Variants in NALF1 observed in about 807,000 individuals in gnomAD.
NALF1 encodes family with sequence similarity 155 member A.
A neutral mutation model predicts 48.4 loss-of-function variants in NALF1; 3 were observed. The observed-to-expected ratio is 0.06, with a 90% confidence interval of 0.03 to 0.16. The LOEUF (loss-of-function observed/expected upper bound fraction) is 0.16, where lower values mean the gene tolerates loss of function less well. Among genes scored for constraint, NALF1 ranks in the 10% least tolerant of loss-of-function variants. The pLI is 1.00. For synonymous variants in NALF1, 262 were observed against 245.7 expected, an observed-to-expected ratio of 1.07 and a Z score of -0.62; for missense variants, 526 against 571.5, an observed-to-expected ratio of 0.92 and a Z score of 0.81.
At chr13:107,342,780 A>G (rs1442744025) in intron 1 of NALF1, among the ~76,000 whole-genome samples, 1 of 152,214 alleles carries the variant, frequency 6.6e-6, no homozygotes, top group Non-Finnish European at 1.5e-5. Context: ...AAGGAATCAG[A>G]GCATGTCCAT....
chr13:107,793,140 T>C (rs1878303915), intron 1 of NALF1, among the ~76,000 whole-genome samples: 1 of 152,206 alleles, frequency 6.6e-6, no homozygotes, highest in Non-Finnish European at 1.5e-5. Flanking sequence ...TAAGAGACAG[T>C]TGAAGGAATA....
intron 1 of NALF1, among the ~76,000 whole-genome samples, chr13:107,835,232 G>T (rs951396053): frequency 2.6e-5 from 4 of 152,140 alleles, no homozygotes; most frequent in African/African-American, 9.7e-5. Context: ...ACATAAACTG[G>T]AACAACAGAT....
rs180951966 is a variant in NALF1, at chr13:107,337,842, T to C, written c.916-127087A>G. Reference sequence around the variant, plus strand: ...TTGCTTAACGTCTCTAAGCCTCTATTGTCTTATCTGTGCAATGCAATAATA... The same window carrying C: ...TTGCTTAACGTCTCTAAGCCTCTATCGTCTTATCTGTGCAATGCAATAATA... On this transcript the variant is annotated intron_variant, in intron 1 of 2. Coordinates refer to ENST00000375915, the MANE Select transcript of NALF1 (RefSeq NM_001080396.3). Among the ~76,000 whole-genome samples the C allele has an allele frequency of 4.7e-4, 72 of 152,298 alleles. No individual in the cohort carries two copies. In the East Asian group the frequency reaches 0.013, roughly 27 times the overall value.
intron 2 of NALF1, among the ~76,000 whole-genome samples, chr13:107,195,991 T>C (rs1879382585): frequency 2.0e-5 from 3 of 152,124 alleles, no homozygotes; most frequent in Admixed American, 2.0e-4. Context: ...CAAGATTATG[T>C]CCTTTGCAGA....
Position 107,669,529 on chromosome 13 carries a change from A to G in NALF1, c.915+196153T>C, listed in dbSNP as rs1276985039. Among the ~76,000 whole-genome samples, 3 of 152,176 alleles carry G rather than the reference A, an allele frequency of 2.0e-5. No individual in the cohort carries two copies. In the East Asian group the frequency reaches 5.8e-4, roughly 29 times the overall value. On this transcript the variant is annotated intron_variant, in intron 1 of 2. Coordinates refer to ENST00000375915, the MANE Select transcript of NALF1 (RefSeq NM_001080396.3). ...CTGCTAAAAATATTGGATTCTCTGA[A>G]GAAGCACGGAGCCACTGGGAGAACA... is the stretch of plus-strand genomic sequence containing the variant.
chr13:107,330,051 T>C (rs1237862358), intron 1 of NALF1, among the ~76,000 whole-genome samples: 2 of 152,140 alleles, frequency 1.3e-5, no homozygotes, highest in African/African-American at 2.4e-5. Context: ...AGGGATTGTT[T>C]AGGGAAAATC....
chr13:107,724,870 C>T (rs991745242), intron 1 of NALF1, among the ~76,000 whole-genome samples: 3 of 152,094 alleles, frequency 2.0e-5, no homozygotes, highest in Admixed American at 6.5e-5. Context: ...CATGAACCAC[C>T]GTGCCTGGCC....
At chr13:107,695,858 C>T (rs954117235) in intron 1 of NALF1, among the ~76,000 whole-genome samples, 1 of 151,196 alleles carries the variant, frequency 6.6e-6, no homozygotes, top group East Asian at 1.9e-4. Flanking sequence ...TAGTACAACT[C>T]AATAATGGAG....
At chr13:107,380,968 A>T (rs1187605006) in intron 1 of NALF1, among the ~76,000 whole-genome samples, 1 of 146,332 alleles carries the variant, frequency 6.8e-6, no homozygotes, top group Non-Finnish European at 1.5e-5. Context: ...ACAGAGCCAG[A>T]CACGGTCTCA....
At chr13:107,447,800 T>C (rs1216365275) in intron 1 of NALF1, among the ~76,000 whole-genome samples, 1 of 152,158 alleles carries the variant, frequency 6.6e-6, no homozygotes, top group East Asian at 1.9e-4. Flanking sequence ...AGTCATTACA[T>C]TCTTCCAAGT....
chr13:107,223,484 A>G (rs940548345), intron 1 of NALF1, among the ~76,000 whole-genome samples: 1 of 152,214 alleles, frequency 6.6e-6, no homozygotes, highest in Non-Finnish European at 1.5e-5. Context: ...GACATTTTAG[A>G]TCATGTTATT....
chr13:107,740,021 T>C (rs894594637), intron 1 of NALF1, among the ~76,000 whole-genome samples: 1 of 152,060 alleles, frequency 6.6e-6, no homozygotes, highest in Non-Finnish European at 1.5e-5. Flanking sequence ...CATATTATGG[T>C]GTAATAATAA....
intron 1 of NALF1, among the ~76,000 whole-genome samples, chr13:107,501,958 C>T (rs1875538809): frequency 6.6e-6 from 1 of 152,084 alleles, no homozygotes; most frequent in Non-Finnish European, 1.5e-5. Context: ...TTTAAAAGGA[C>T]TGAATAAACC....
intron 2 of NALF1, among the ~76,000 whole-genome samples, chr13:107,210,194 A>G (rs931207179): frequency 6.6e-6 from 1 of 152,206 alleles, no homozygotes; most frequent in African/African-American, 2.4e-5. Flanking sequence ...GAGAACATAA[A>G]CTTCTGACTA....
chr13:107,498,869 C>G (rs573951475), intron 1 of NALF1, among the ~76,000 whole-genome samples: 1 of 152,126 alleles, frequency 6.6e-6, no homozygotes, highest in Non-Finnish European at 1.5e-5. Context: ...TCTGAGAGAA[C>G]AGCTAGAAGC....
intron 1 of NALF1, among the ~76,000 whole-genome samples, chr13:107,461,249 T>A (rs1884914205): frequency 6.6e-6 from 1 of 152,198 alleles, no homozygotes; most frequent in African/African-American, 2.4e-5. Flanking sequence ...ATTTTTTTAC[T>A]ATAGTCTTTT....
chr13:107,328,311 C>CACAT (rs1882405206), intron 1 of NALF1, among the ~76,000 whole-genome samples: 1 of 150,976 alleles, frequency 6.6e-6, no homozygotes, highest in Non-Finnish European at 1.5e-5. Flanking sequence ...CACACACACA[C>CACAT]ACACTTTTGT....
chr13:107,431,190 T>G (rs1884375605), intron 1 of NALF1, among the ~76,000 whole-genome samples: 1 of 152,210 alleles, frequency 6.6e-6, no homozygotes, highest in Admixed American at 6.5e-5. Context: ...CTAGTTACTC[T>G]ACTGCTTTCC....
chr13:107,173,858 G>C (rs948017176), intron 2 of NALF1, among the ~76,000 whole-genome samples: 2 of 152,308 alleles, frequency 1.3e-5, no homozygotes, highest in Admixed American at 1.3e-4. Context: ...ATGTTTGGCT[G>C]TTGGACCTTC....
Sources: gnomAD v4.1 joint callset for allele counts (sites outside exome capture counted in the v4.1 genomes callset) on GRCh38, gnomAD v4.1.1 for gene constraint, MANE v1.5 for transcripts, NCBI Gene and HGNC (gene_info 2026-07-23, HGNC 2026-07-21) for gene names.